The following ASIC2 variants were observed in gnomAD, a reference collection of about 807,000 sequenced individuals.
ASIC2 encodes acid sensing ion channel subunit 2, also known as acid-sensing ion channel 2.
In ASIC2, 25 loss-of-function variants were observed where a neutral mutation model predicts 57.3. That is an observed-to-expected ratio of 0.44 (90% CI 0.32 to 0.61). The LOEUF (loss-of-function observed/expected upper bound fraction) is 0.61, where lower values mean the gene tolerates loss of function less well. Ranked by LOEUF, ASIC2 falls within the 20% of genes least tolerant of loss-of-function variation. ASIC2 has a pLI of 0.06. For missense variants in ASIC2, 641 were observed against 738.1 expected, an observed-to-expected ratio of 0.87 and a Z score of 1.52; for synonymous variants, 319 against 307.5, an observed-to-expected ratio of 1.04 and a Z score of -0.39.
chr17:34,100,184 G>T (rs73986859), intron 1 of ASIC2, among the ~76,000 whole-genome samples: 25 of 130,632 alleles, frequency 1.9e-4, no homozygotes, highest in African/African-American at 2.6e-4. Context: ...TCTCTTTCTT[G>T]TTTTTTTTTT....
intron 1 of ASIC2, among the ~76,000 whole-genome samples, chr17:33,517,714 G>A (rs1298544250): frequency 7.2e-6 from 1 of 139,354 alleles, no homozygotes; most frequent in South Asian, 2.7e-4. Context: ...TTGGGGGAGG[G>A]GGGAGGGATA....
chr17:33,488,388 A>G (rs1913644420), intron 1 of ASIC2, among the ~76,000 whole-genome samples: 1 of 152,124 alleles, frequency 6.6e-6, no homozygotes, highest in Non-Finnish European at 1.5e-5. Context: ...ACATTTTTCA[A>G]ATCACACTGC....
chr17:33,686,808 C>A (rs1908208876), intron 1 of ASIC2, among the ~76,000 whole-genome samples: 1 of 152,150 alleles, frequency 6.6e-6, no homozygotes, highest in Non-Finnish European at 1.5e-5. Context: ...CAGCTCCCAT[C>A]TGTGAATTAG....
rs1467086671 is a variant in ASIC2, at chr17:34,149,111, TTTC to T, written c.555+6864_555+6866del. 2.9e-3 allele frequency among the ~76,000 whole-genome samples: 340 copies of T among 116,584 alleles called. 1 individual carries two copies. The highest frequency in any genetic ancestry group is 4.6e-3 in the Non-Finnish European group (255 of 55,108). The allele number at this position is 116,584 out of a possible 152,430, so 76.5% of individuals were successfully genotyped here. A position where few individuals can be genotyped will look rare whatever the true frequency, so the allele number is the denominator to read the frequency against. On this transcript the variant is annotated intron_variant, in intron 1 of 9. Transcript: ENST00000359872. ...TTTTTTTCTTTTTTCTTTTTTTTCT[TTTC>T]TTTTTTTTTTGAGACAGTGTCTCGC... is the stretch of plus-strand genomic sequence containing the variant.
chr17:33,301,078 G>C (rs1253962324), intron 1 of ASIC2, among the ~76,000 whole-genome samples: 8 of 152,032 alleles, frequency 5.3e-5, no homozygotes, highest in Non-Finnish European at 1.5e-5. Context: ...GCCCAGGCGG[G>C]AGTGCAGTGG....
chr17:33,755,209 C>T (rs1358567414), intron 1 of ASIC2, among the ~76,000 whole-genome samples: 1 of 152,098 alleles, frequency 6.6e-6, no homozygotes, highest in Non-Finnish European at 1.5e-5. Flanking sequence ...TGGCCACAAG[C>T]CAAGGAATGC....
chr17:33,294,629 ACAC>A (rs1181696692), upstream of ASIC2, among the ~76,000 whole-genome samples: 1 of 152,154 alleles, frequency 6.6e-6, no homozygotes, highest in Non-Finnish European at 1.5e-5. Context: ...AAACACACAC[ACAC>A]ACTACACATA....
At chr17:33,573,934 C>A (rs1916535880) in intron 1 of ASIC2, among the ~76,000 whole-genome samples, 1 of 152,222 alleles carries the variant, frequency 6.6e-6, no homozygotes, top group African/African-American at 2.4e-5. Flanking sequence ...TTTCTGCCCT[C>A]AACATCAAGT....
intron 1 of ASIC2, among the ~76,000 whole-genome samples, chr17:33,157,130 G>A (rs944559813): frequency 1.3e-5 from 2 of 152,048 alleles, no homozygotes; most frequent in African/African-American, 4.8e-5. Context: ...AAAACCCCCA[G>A]CACTCCCCTC....
At chr17:34,016,634 C>T (rs985340172) in intron 1 of ASIC2, among the ~76,000 whole-genome samples, 1 of 152,070 alleles carries the variant, frequency 6.6e-6, no homozygotes, top group African/African-American at 2.4e-5. Flanking sequence ...ATTGGCATAG[C>T]TATAGATATG....
intron 1 of ASIC2, among the ~76,000 whole-genome samples, chr17:33,435,707 G>T (rs1273051366): frequency 6.6e-6 from 1 of 152,158 alleles, no homozygotes; most frequent in South Asian, 2.1e-4. Flanking sequence ...AAACAAACCA[G>T]ACTGAATTAG....
At chr17:33,761,461 G>T (rs1910775644) in intron 1 of ASIC2, among the ~76,000 whole-genome samples, 1 of 152,108 alleles carries the variant, frequency 6.6e-6, no homozygotes, top group Non-Finnish European at 1.5e-5. Flanking sequence ...TGAGCACCAG[G>T]ACTGATTCAG....
At chr17:33,763,108 C>A (rs949960924) in intron 1 of ASIC2, among the ~76,000 whole-genome samples, 1 of 152,182 alleles carries the variant, frequency 6.6e-6, no homozygotes, top group Non-Finnish European at 1.5e-5. Flanking sequence ...GCTCTTTCCC[C>A]TCAACCATGC....
At chr17:34,103,752 A>C (rs1354095601) in intron 1 of ASIC2, among the ~76,000 whole-genome samples, 1 of 152,180 alleles carries the variant, frequency 6.6e-6, no homozygotes, top group African/African-American at 2.4e-5. Context: ...TTTGTCAAAA[A>C]TTAATTCACC....
intron 1 of ASIC2, among the ~76,000 whole-genome samples, chr17:33,347,921 G>C (rs1043461311): frequency 6.6e-6 from 1 of 152,142 alleles, no homozygotes; most frequent in African/African-American, 2.4e-5. Context: ...GGCCAACATG[G>C]TGAAACCCTA....
At chr17:33,738,966 G>A (rs1910012449) in intron 1 of ASIC2, among the ~76,000 whole-genome samples, 1 of 152,174 alleles carries the variant, frequency 6.6e-6, no homozygotes, top group Admixed American at 6.5e-5. Flanking sequence ...AAGACCAAAA[G>A]CATTATTTAA....
intron 1 of ASIC2, among the ~76,000 whole-genome samples, chr17:33,719,191 G>A (rs1168190286): frequency 6.6e-6 from 1 of 152,210 alleles, no homozygotes; most frequent in Admixed American, 6.5e-5. Context: ...GCAGGATGAT[G>A]GATTGGCCCT....
At chr17:33,070,704 G>T (rs2092065534) in intron 3 of ASIC2, among the ~76,000 whole-genome samples, 1 of 152,134 alleles carries the variant, frequency 6.6e-6, no homozygotes, top group South Asian at 2.1e-4. Flanking sequence ...TTCCTTTTGT[G>T]TGAACCCATA....
chr17:33,851,112 C>A (rs1244172909), intron 1 of ASIC2, among the ~76,000 whole-genome samples: 1 of 152,152 alleles, frequency 6.6e-6, no homozygotes, highest in African/African-American at 2.4e-5. Flanking sequence ...GTAGGGGGAA[C>A]AAAATGATTT....
Sources: allele counts gnomAD v4.1 joint callset (sites outside exome capture counted in the v4.1 genomes callset), GRCh38; gene constraint gnomAD v4.1.1; transcripts MANE v1.5; gene names NCBI Gene and HGNC (gene_info 2026-07-23, HGNC 2026-07-21).